The following ROBO2 variants were observed in gnomAD, a reference collection of about 807,000 sequenced individuals.
The protein encoded by ROBO2 is roundabout homolog 2.
In ROBO2, 53 loss-of-function variants were observed where a neutral mutation model predicts 160.8. The observed-to-expected ratio is 0.33, with a 90% confidence interval of 0.26 to 0.41. ROBO2 has a LOEUF of 0.41. ROBO2 is among the 10% of genes least tolerant of loss of function. The pLI is 1.00. For missense variants in ROBO2, 1,577 were observed against 1,722.4 expected (o/e 0.92, Z 1.49); for synonymous variants, 664 against 611.7 (o/e 1.09, Z -1.26).
At chr3:76,206,912 TAAC>T (rs1361813926) in intron 2 of ROBO2, among the ~76,000 whole-genome samples, 4 of 152,158 alleles carry the variant, frequency 2.6e-5, no homozygotes, top group Non-Finnish European at 2.9e-5. Flanking sequence ...AGTCCAGACT[TAAC>T]AGCCTCAGAG....
At chr3:76,309,695 G>A (rs1268580846) in intron 2 of ROBO2, among the ~76,000 whole-genome samples, 5 of 152,104 alleles carry the variant, frequency 3.3e-5, no homozygotes, top group Admixed American at 6.5e-5. Flanking sequence ...CATGTATTGT[G>A]TCTCACTGAT....
intron 2 of ROBO2, among the ~76,000 whole-genome samples, chr3:76,372,378 C>T (rs1158280618): frequency 6.6e-6 from 1 of 151,846 alleles, no homozygotes. Flanking sequence ...TAGCTGATTT[C>T]TACCTTAGGT....
In ROBO2 at chr3:76,475,558, A is replaced by T. The variant is rs548817959; in HGVS notation, c.109+537956A>T. ...TTAAATATATTTCCTCATTAAAAAA[A>T]ATTTCAACTAGATAGTAAATGTGTA... On this transcript the variant is annotated intron_variant, in intron 2 of 26. Coordinates refer to the ROBO2 transcript ENST00000487694. 6.6e-5 allele frequency among the ~76,000 whole-genome samples: 10 copies of T among 152,150 alleles called. No homozygotes were observed. The South Asian group carries it at 1.2e-3, about 19-fold the overall frequency.
intron 16 of ROBO2, among the ~76,000 whole-genome samples, chr3:77,585,784 C>T (rs2094031162): frequency 6.6e-6 from 1 of 152,044 alleles, no homozygotes; most frequent in Non-Finnish European, 1.5e-5. Context: ...CCCTTATCTA[C>T]ACAACTGTTA....
chr3:76,411,549 T>A (rs536536877), intron 2 of ROBO2, among the ~76,000 whole-genome samples: 1 of 152,284 alleles, frequency 6.6e-6, no homozygotes, highest in South Asian at 2.1e-4. Context: ...ATTTTTATTT[T>A]TTTCTGCCAT....
At chr3:75,972,712 C>A (rs1015304055) in intron 2 of ROBO2, among the ~76,000 whole-genome samples, 7 of 151,570 alleles carry the variant, frequency 4.6e-5, no homozygotes, top group African/African-American at 1.7e-4. Context: ...AATTCTTGGA[C>A]CCCTAGATCT....
chr3:77,522,772 C>T lies in ROBO2; in HGVS notation c.807-3C>T. ...TAATAAAACCAGTTCATTTTCTACA[C>T]AGGTATGACATCAAAGACGATTACA... On this transcript the variant is annotated splice_region_variant and splice_polypyrimidine_tract_variant and intron_variant, in intron 5 of 25. Coordinates refer to ENST00000461745, the Ensembl canonical transcript of ROBO2. 6.2e-7 allele frequency: 1 copy of T among 1,607,628 alleles called. No individual in the cohort carries two copies. The highest frequency in any genetic ancestry group is 1.3e-5 in the African/African-American group (1 of 74,580).
chr3:76,962,481 A>C (rs1389477723), intron 2 of ROBO2, among the ~76,000 whole-genome samples: 1 of 151,778 alleles, frequency 6.6e-6, no homozygotes, highest in African/African-American at 2.4e-5. Context: ...TCTACTAAAA[A>C]TTCAAAATTA....
At chr3:76,171,444 T>C (rs2107003595) in intron 2 of ROBO2, among the ~76,000 whole-genome samples, 1 of 152,220 alleles carries the variant, frequency 6.6e-6, no homozygotes, top group East Asian at 1.9e-4. Flanking sequence ...GTTTTGTTTT[T>C]TGTTGTTGTT....
chr3:76,590,995 C>G, intron 2 of ROBO2, among the ~76,000 whole-genome samples: 1 of 151,974 alleles, frequency 6.6e-6, no homozygotes, highest in East Asian at 1.9e-4. Context: ...TATAGTCAAT[C>G]TTTATTTTAA....
rs536061660 is a variant in ROBO2, at chr3:76,243,366, A to T, written c.109+305764A>T. On this transcript the variant is annotated intron_variant, in intron 2 of 26. Transcript: ENST00000487694. ...CAGGGAATGGAGGGTGGGGACACGC[A>T]GGGGAGGGGGCAGTAAGGTCATGTG... 3.3e-5 allele frequency among the ~76,000 whole-genome samples: 5 copies of T among 152,246 alleles called. No homozygotes were observed. The South Asian group carries it at 1.0e-3, about 32-fold the overall frequency.
intron 2 of ROBO2, among the ~76,000 whole-genome samples, chr3:77,290,359 G>A (rs1240573542): frequency 3.6e-5 from 3 of 84,424 alleles, no homozygotes; most frequent in African/African-American, 1.1e-4. Context: ...ATGGTTAAAC[G>A]GGTAAGCTGA....
At chr3:77,037,522 C>T (rs2063709661), upstream of ROBO2, among the ~76,000 whole-genome samples, 1 of 152,138 alleles carries the variant, frequency 6.6e-6, no homozygotes, top group African/African-American at 2.4e-5. Flanking sequence ...TTATACAAAG[C>T]TCTTCTCTGT....
intron 2 of ROBO2, among the ~76,000 whole-genome samples, chr3:77,252,666 G>GC (rs1183330917): frequency 6.7e-6 from 1 of 150,218 alleles, no homozygotes; most frequent in African/African-American, 2.4e-5. Context: ...AAATTAGCTG[G>GC]GCGTGGTGGC....
At chr3:77,366,710 T>C (rs1356770409) in intron 2 of ROBO2, among the ~76,000 whole-genome samples, 2 of 151,984 alleles carry the variant, frequency 1.3e-5, no homozygotes, top group Non-Finnish European at 2.9e-5. Flanking sequence ...CTTCCACTTA[T>C]GGCAGAAGGC....
chr3:75,912,431 AT>A (rs1946636858), intron 1 of ROBO2, among the ~76,000 whole-genome samples: 1 of 152,210 alleles, frequency 6.6e-6, no homozygotes, highest in African/African-American at 2.4e-5. Context: ...TTTGTACACA[AT>A]TTTTTAAAAT....
At chr3:76,442,389 T>C (rs2076965501) in intron 2 of ROBO2, among the ~76,000 whole-genome samples, 1 of 152,164 alleles carries the variant, frequency 6.6e-6, no homozygotes, top group Admixed American at 6.6e-5. Flanking sequence ...TCTAGTTTTT[T>C]TGTTTCTCAA....
At chr3:77,528,178 A>G (rs1363402410) in intron 6 of ROBO2, among the ~76,000 whole-genome samples, 1 of 151,828 alleles carries the variant, frequency 6.6e-6, no homozygotes, top group South Asian at 2.1e-4. Flanking sequence ...TAATTCACCA[A>G]TAACTATGTT....
intron 2 of ROBO2, among the ~76,000 whole-genome samples, chr3:76,474,377 T>G (rs2107160047): frequency 6.6e-6 from 1 of 152,300 alleles, no homozygotes; most frequent in Non-Finnish European, 1.5e-5. Flanking sequence ...TATGTCTGTT[T>G]TATCCACTTA....
Sources: allele counts gnomAD v4.1 joint callset (sites outside exome capture counted in the v4.1 genomes callset), GRCh38; gene constraint gnomAD v4.1.1; transcripts MANE v1.5; gene names NCBI Gene and HGNC (gene_info 2026-07-23, HGNC 2026-07-21).